Variants in LRRFIP1 observed in about 807,000 individuals in gnomAD.
LRRFIP1 encodes leucine-rich repeat flightless-interacting protein 1.
Under a neutral mutation model 104.4 loss-of-function variants are expected in LRRFIP1, and 62 were observed. That is an observed-to-expected ratio of 0.59 (90% CI 0.48 to 0.73). The LOEUF (loss-of-function observed/expected upper bound fraction) is 0.73, where lower values mean the gene tolerates loss of function less well. Among genes scored for constraint, LRRFIP1 ranks in the 30% least tolerant of loss-of-function variants. LRRFIP1 has a pLI of 0.00. For synonymous variants in LRRFIP1, 300 were observed against 299.0 expected, an observed-to-expected ratio of 1.00 and a Z score of -0.03; for missense variants, 796 against 824.5, an observed-to-expected ratio of 0.97 and a Z score of 0.42.
At chr2:237,755,762 G>T (rs556590973) in intron 15 of LRRFIP1, among the ~76,000 whole-genome samples, 1 of 152,052 alleles carries the variant, frequency 6.6e-6, no homozygotes, top group African/African-American at 2.4e-5. Flanking sequence ...GGTGAAACCC[G>T]ATCTCTACCA....
chr2:237,761,508 T>C (rs2059870537), intron 19 of LRRFIP1, among the ~76,000 whole-genome samples: 1 of 152,272 alleles, frequency 6.6e-6, no homozygotes, highest in Non-Finnish European at 1.5e-5. Context: ...TTGATAACCA[T>C]TGTGAAATGT....
chr2:237,712,482 C>G (rs559935719), intron 2 of LRRFIP1, among the ~76,000 whole-genome samples: 53 of 152,248 alleles, frequency 3.5e-4, no homozygotes, highest in African/African-American at 7.9e-4. Context: ...ATTTGAGGCA[C>G]AGGAATATGA....
intron 1 of LRRFIP1, among the ~76,000 whole-genome samples, chr2:237,641,814 G>A (rs2084024874): frequency 1.3e-5 from 2 of 152,162 alleles, no homozygotes; most frequent in African/African-American, 4.8e-5. Context: ...ATATTGTACA[G>A]TTTTGTGTCT....
At position 237,770,174 on chromosome 2, in the gene LRRFIP1, A is replaced by G. The variant is rs900362436; in HGVS notation, c.1509+182A>G. On this transcript the variant is annotated intron_variant, in intron 20 of 23. Transcript: ENST00000308482. ...AACATCAAAGTTAATATTTTCATCC[A>G]AAGAGAACATCCTGAGTCATATGAG... 5.1e-6 allele frequency: 3 copies of G among 593,918 alleles called. No homozygotes were observed. In the African/African-American group the frequency reaches 5.6e-5, roughly 11 times the overall value. The allele number at this position is 593,918 out of a possible 1,614,324, so 36.8% of individuals were successfully genotyped here.
chr2:237,684,650 AT>A (rs1035571698), intron 1 of LRRFIP1, among the ~76,000 whole-genome samples: 15 of 151,030 alleles, frequency 9.9e-5, no homozygotes, highest in African/African-American at 2.4e-4. Flanking sequence ...GCATGTATAG[AT>A]TTTTTTTTTC....
At chr2:237,637,591 C>T (rs2083294647) in intron 1 of LRRFIP1, among the ~76,000 whole-genome samples, 1 of 152,174 alleles carries the variant, frequency 6.6e-6, no homozygotes, top group Non-Finnish European at 1.5e-5. Flanking sequence ...TTTAGGTAGG[C>T]AGAATGTGAT....
chr2:237,666,807 C>CTCTTTCTTTT (rs2089409828), intron 1 of LRRFIP1, among the ~76,000 whole-genome samples: 1 of 148,804 alleles, frequency 6.7e-6, no homozygotes, highest in African/African-American at 2.5e-5. Flanking sequence ...CTCTTTCTTT[C>CTCTTTCTTTT]TCTTTCTTTC....
intron 1 of LRRFIP1, chr2:237,692,209 T>C: frequency 1.9e-6 from 2 of 1,074,964 alleles, no homozygotes; most frequent in Non-Finnish European, 2.3e-6. Flanking sequence ...CCCGGCGCCC[T>C]TCCACCCCGA....
intron 8 of LRRFIP1, among the ~76,000 whole-genome samples, chr2:237,728,507 TGGCAGG>T (rs1470014872): frequency 1.4e-5 from 1 of 69,904 alleles, no homozygotes; most frequent in African/African-American, 5.9e-5. Flanking sequence ...GTGGTGCCAG[TGGCAGG>T]GGCATTAGGG....
rs1054298383 is a variant in LRRFIP1, at chr2:237,735,522, G to A, written c.555+189G>A. ...AATGTGAATCAGGAAACCTCTGGTT[G>A]TTGGTTTCATGTCCTCACTCATCAG... On this transcript the variant is annotated intron_variant, in intron 10 of 23. Transcript: ENST00000308482. The surrounding 1 kb of genome is among the most constrained non-coding windows in gnomAD (Gnocchi z 4.6). 3.2e-5 allele frequency: 18 copies of A among 569,180 alleles called. No homozygotes were observed. Among genetic ancestry groups the A allele is most frequent in the African/African-American group, 2.8e-4 (15 of 52,716 alleles). The allele number at this position is 569,180 out of a possible 1,614,324, so 35.3% of individuals were successfully genotyped here.
Position 237,666,831 on chromosome 2 carries a change from CT to C in LRRFIP1, c.96+39093del, listed in dbSNP as rs2089419538. On this transcript the variant is annotated intron_variant, in intron 1 of 23. Transcript: ENST00000308482. ...TCTCTTTCTTTCTTTCCCTCCCTGC[CT>C]TCCTGCCTTCTTTTTTCTTTCTTTC... Among the ~76,000 whole-genome samples the C allele has an allele frequency of 2.1e-5, 3 of 145,120 alleles. No homozygotes were observed. The South Asian group carries it at 6.4e-4, about 31-fold the overall frequency.
chr2:237,709,878 A>T (rs2093988234), intron 2 of LRRFIP1, among the ~76,000 whole-genome samples: 1 of 151,430 alleles, frequency 6.6e-6, no homozygotes, highest in Admixed American at 6.6e-5. Flanking sequence ...TTTGAGATCA[A>T]GTCTTGCTCT....
intron 23 of LRRFIP1, among the ~76,000 whole-genome samples, chr2:237,778,130 A>C (rs72987108): frequency 0.12 from 18,087 of 151,994 alleles, 1,478 homozygotes; most frequent in East Asian, 0.41. Flanking sequence ...GTTGACTCTC[A>C]CTCAAATGGT....
At chr2:237,687,575 G>A (rs551494592) in intron 1 of LRRFIP1, among the ~76,000 whole-genome samples, 1 of 126,632 alleles carries the variant, frequency 7.9e-6, no homozygotes, top group Admixed American at 1.0e-4. Flanking sequence ...CTGCACTCCA[G>A]CATGGGTAAC....
rs2094364448 is a variant in LRRFIP1, at chr2:237,717,094, CA to C, written c.202-666del. Among the ~76,000 whole-genome samples the C allele has an allele frequency of 6.6e-6, 1 of 151,906 alleles. No individual in the cohort carries two copies. The highest frequency in any genetic ancestry group is 2.4e-5 in the African/African-American group (1 of 41,312). On this transcript the variant is annotated intron_variant, in intron 3 of 23. Coordinates refer to ENST00000308482, the MANE Select transcript of LRRFIP1 (RefSeq NM_001137550.2). The surrounding 1 kb of genome is among the most constrained non-coding windows in gnomAD (Gnocchi z 4.2). The stretch of plus-strand genomic sequence containing the variant: ...CCAAGACACTTCTTCCAGTGTGGTC[CA>C]AGGAAGCCAAAAGATTGGACACCCC...
intron 1 of LRRFIP1, among the ~76,000 whole-genome samples, chr2:237,652,229 G>T (rs147250842): frequency 5.9e-5 from 9 of 152,304 alleles, no homozygotes; most frequent in Non-Finnish European, 1.2e-4. Flanking sequence ...ACATCCACAG[G>T]GAAAAATAAA....
chr2:237,638,974 G>A (rs1011957533), intron 1 of LRRFIP1, among the ~76,000 whole-genome samples: 7 of 152,234 alleles, frequency 4.6e-5, no homozygotes, highest in Non-Finnish European at 8.8e-5. Context: ...TTGTGTGACC[G>A]TAGGCAAGTG....
intron 23 of LRRFIP1, among the ~76,000 whole-genome samples, chr2:237,775,953 T>G (rs62196063): frequency 0.047 from 7,216 of 152,148 alleles, 205 homozygotes; most frequent in Middle Eastern, 0.14. Flanking sequence ...TTATTTATTT[T>G]ATTTGATTTT....
intron 7 of LRRFIP1, among the ~76,000 whole-genome samples, chr2:237,727,606 T>G (rs377733600): frequency 6.6e-6 from 1 of 152,184 alleles, no homozygotes; most frequent in African/African-American, 2.4e-5. Context: ...GTGGAGGGAC[T>G]TGGTGCCACT....
Sources: gnomAD v4.1 joint callset for allele counts (sites outside exome capture counted in the v4.1 genomes callset) on GRCh38, gnomAD v4.1.1 for gene constraint, Gnocchi (gnomAD v3.1) non-coding constraint, MANE v1.5 for transcripts, NCBI Gene and HGNC (gene_info 2026-07-23, HGNC 2026-07-21) for gene names.